Variants in AGBL4 observed in about 807,000 individuals in gnomAD.
AGBL4 encodes the protein AGBL carboxypeptidase 4, also known as cytosolic carboxypeptidase 6.
In AGBL4, 58 loss-of-function variants were observed where a neutral mutation model predicts 66.4. The observed-to-expected ratio is 0.87, with a 90% CI of 0.71 to 1.09. The LOEUF is 1.09. AGBL4 is among the 50% of genes least tolerant of loss of function. AGBL4 has a pLI of 0.00. For synonymous variants in AGBL4, 234 were observed against 222.9 expected, an observed-to-expected ratio of 1.05 and a Z score of -0.44; for missense variants, 579 against 631.0, an observed-to-expected ratio of 0.92 and a Z score of 0.88.
At chr1:50,014,449 T>C (rs1316356332) in intron 1 of AGBL4, among the ~76,000 whole-genome samples, 1 of 151,966 alleles carries the variant, frequency 6.6e-6, no homozygotes, top group Non-Finnish European at 1.5e-5. Flanking sequence ...AATACAAATG[T>C]TATTAGATCA....
intron 4 of AGBL4, among the ~76,000 whole-genome samples, chr1:49,133,093 A>G (rs561646186): frequency 6.6e-6 from 1 of 152,340 alleles, no homozygotes; most frequent in African/African-American, 2.4e-5. Context: ...TTGCAGGGAC[A>G]TGGATGAAGC....
chr1:49,067,421 G>T (rs1256130459), intron 4 of AGBL4, among the ~76,000 whole-genome samples: 1 of 152,222 alleles, frequency 6.6e-6, no homozygotes, highest in Non-Finnish European at 1.5e-5. Flanking sequence ...ACTTCATCTT[G>T]TACTTCTCTC....
intron 3 of AGBL4, among the ~76,000 whole-genome samples, chr1:49,610,111 G>C (rs988725431): frequency 1.3e-5 from 2 of 152,024 alleles, no homozygotes; most frequent in African/African-American, 2.4e-5. Flanking sequence ...GTAATACTGG[G>C]CATATAGTGA....
chr1:48,706,109 G>A (rs1450487921), intron 6 of AGBL4, among the ~76,000 whole-genome samples: 2 of 152,122 alleles, frequency 1.3e-5, no homozygotes, highest in Non-Finnish European at 2.9e-5. Flanking sequence ...AAAGTGATAG[G>A]GCATTGAGAA....
intron 6 of AGBL4, among the ~76,000 whole-genome samples, chr1:48,812,046 G>A (rs544467469): frequency 6.6e-6 from 1 of 152,280 alleles, no homozygotes; most frequent in Admixed American, 6.5e-5. Context: ...GCATAGTCAG[G>A]AAACATGATG....
At chr1:49,180,530 G>A (rs1053269524) in intron 4 of AGBL4, among the ~76,000 whole-genome samples, 1 of 152,148 alleles carries the variant, frequency 6.6e-6, no homozygotes, top group African/African-American at 2.4e-5. Context: ...CACCAGGTCT[G>A]TCTGAACTTC....
intron 3 of AGBL4, among the ~76,000 whole-genome samples, chr1:49,627,534 T>C (rs990436319): frequency 6.6e-6 from 1 of 152,166 alleles, no homozygotes; most frequent in Non-Finnish European, 1.5e-5. Context: ...CCTGGGAATC[T>C]ATGTACATTC....
intron 3 of AGBL4, among the ~76,000 whole-genome samples, chr1:49,510,433 TG>T (rs1248171233): frequency 6.7e-6 from 1 of 149,534 alleles, no homozygotes; most frequent in Admixed American, 6.6e-5. Context: ...TGGGGTTGTT[TG>T]TTTTTTTCTT....
chr1:48,654,220 C>G (rs1292404003), intron 7 of AGBL4, among the ~76,000 whole-genome samples: 1 of 152,162 alleles, frequency 6.6e-6, no homozygotes, highest in African/African-American at 2.4e-5. Flanking sequence ...GTCTTCTAAC[C>G]CAGGCTACCA....
At chr1:48,734,238 C>A (rs1648643482) in intron 6 of AGBL4, among the ~76,000 whole-genome samples, 1 of 152,176 alleles carries the variant, frequency 6.6e-6, no homozygotes. Context: ...GCAGAACAAG[C>A]CCCAGACCAG....
Position 49,016,902 on chromosome 1 carries a change from C to T in AGBL4, c.594+28682G>A, listed in dbSNP as rs563063892. On this transcript the variant is annotated intron_variant, in intron 5 of 13. Coordinates refer to ENST00000371839, the MANE Select transcript of AGBL4 (RefSeq NM_032785.4). ...TCACACAGTCCTGGCAGGTGAGGCT[C>T]AATGAGGAGAAGAGATTTGTTGAAG... 7.8e-4 allele frequency among the ~76,000 whole-genome samples: 118 copies of T among 152,238 alleles called. 1 individual carries two copies. Among genetic ancestry groups the T allele is most frequent in the African/African-American group, 2.6e-3 (109 of 41,540 alleles).
At chr1:49,836,880 C>G (rs116233409) in intron 2 of AGBL4, among the ~76,000 whole-genome samples, 1 of 152,174 alleles carries the variant, frequency 6.6e-6, no homozygotes, top group African/African-American at 2.4e-5. Context: ...CCATTCCAGA[C>G]CCATTTGCCT....
At chr1:49,247,860 G>A (rs942325737) in intron 3 of AGBL4, among the ~76,000 whole-genome samples, 2 of 151,976 alleles carry the variant, frequency 1.3e-5, no homozygotes, top group African/African-American at 2.4e-5. Flanking sequence ...ATTTTAGCCC[G>A]ATTTTAGATG....
chr1:49,578,033 T>C (rs1397254952), intron 3 of AGBL4, among the ~76,000 whole-genome samples: 2 of 152,200 alleles, frequency 1.3e-5, no homozygotes, highest in Non-Finnish European at 1.5e-5. Context: ...CCTTATGTTC[T>C]GCTGGCCTAG....
At chr1:49,392,065 G>A (rs752916708) in intron 3 of AGBL4, among the ~76,000 whole-genome samples, 1 of 152,240 alleles carries the variant, frequency 6.6e-6, no homozygotes. Flanking sequence ...GTGTGCCTAG[G>A]TGATAAAGCA....
rs138263394 is a variant in AGBL4, at chr1:49,213,017, C to T, written c.377+32753G>A. 7.7e-3 allele frequency among the ~76,000 whole-genome samples: 1,178 copies of T among 152,104 alleles called. 9 individuals carry two copies. Among genetic ancestry groups the T allele is most frequent in the Middle Eastern group, 0.027 (8 of 292 alleles). On this transcript the variant is annotated intron_variant, in intron 4 of 13. Coordinates refer to ENST00000371839, the MANE Select transcript of AGBL4 (RefSeq NM_032785.4). The stretch of plus-strand genomic sequence containing the variant: ...TTTTTCCACATACTGAATTTATCAT[C>T]AGTGTTTGAATTTCATTTATTCTTT...
intron 1 of AGBL4, among the ~76,000 whole-genome samples, chr1:49,853,938 T>C (rs1419850904): frequency 1.3e-5 from 2 of 152,004 alleles, no homozygotes; most frequent in African/African-American, 2.4e-5. Flanking sequence ...CAACAATAGT[T>C]CTTCAGGCAG....
intron 8 of AGBL4, among the ~76,000 whole-genome samples, chr1:48,638,232 T>C (rs546995776): frequency 6.6e-6 from 1 of 152,360 alleles, no homozygotes; most frequent in South Asian, 2.1e-4. Flanking sequence ...TCCATCCTTC[T>C]CAGCGTTGCC....
rs572723645 is a variant in AGBL4, at chr1:49,495,748, A to G, written c.282+201565T>C. Among the ~76,000 whole-genome samples the G allele has an allele frequency of 4.6e-5, 7 of 152,128 alleles. No homozygotes were observed. In the South Asian group the frequency reaches 1.2e-3, roughly 27 times the overall value. On this transcript the variant is annotated intron_variant, in intron 3 of 13. Transcript: ENST00000371839. ...TTGATTTAAAAAAAGGGGAGGTATT[A>G]TTAGTACTTCATAAATAAAGAAATT...
Sources: allele counts gnomAD v4.1 joint callset (sites outside exome capture counted in the v4.1 genomes callset), GRCh38; gene constraint gnomAD v4.1.1; transcripts MANE v1.5; gene names NCBI Gene and HGNC (gene_info 2026-07-23, HGNC 2026-07-21).